Variants in SLMAP observed in about 807,000 individuals in gnomAD.
SLMAP encodes the protein sarcolemma associated protein.
In SLMAP, 44 loss-of-function variants were observed where a neutral mutation model predicts 128.8. That is an observed-to-expected ratio of 0.34 (90% CI 0.27 to 0.44). The LOEUF (loss-of-function observed/expected upper bound fraction) is 0.44. Ranked by LOEUF, SLMAP falls within the 20% of genes least tolerant of loss-of-function variation. The pLI is 1.00. For synonymous variants in SLMAP, 327 were observed against 348.8 expected, an observed-to-expected ratio of 0.94 and a Z score of 0.70; for missense variants, 787 against 985.3, an observed-to-expected ratio of 0.80 and a Z score of 2.69.
intron 6 of SLMAP, 82 bp from the exon 7 acceptor site, chr3:57,857,646 ATATTT>A: frequency 2.3e-6 from 2 of 888,732 alleles, no homozygotes; most frequent in Non-Finnish European, 3.7e-6. Flanking sequence ...TAATATGAAA[ATATTT>A]TAGAATATGC....
chr3:57,783,287 G>A (rs1235670496), intron 2 of SLMAP, among the ~76,000 whole-genome samples: 1 of 152,174 alleles, frequency 6.6e-6, no homozygotes, highest in Non-Finnish European at 1.5e-5. Flanking sequence ...CAAAATATTG[G>A]TAGAAATAGG....
At chr3:57,777,966 G>A (rs2082257835) in intron 2 of SLMAP, among the ~76,000 whole-genome samples, 1 of 152,192 alleles carries the variant, frequency 6.6e-6, no homozygotes, top group Non-Finnish European at 1.5e-5. Flanking sequence ...GCATTCCTGA[G>A]ATAAACTACA....
At chr3:57,797,041 G>A (rs1238057304) in intron 2 of SLMAP, among the ~76,000 whole-genome samples, 1 of 151,756 alleles carries the variant, frequency 6.6e-6, no homozygotes, top group Non-Finnish European at 1.5e-5. Flanking sequence ...AATTAGTCGA[G>A]CATGGTGGCA....
chr3:57,770,318 A>G (rs145309056), intron 2 of SLMAP, among the ~76,000 whole-genome samples: 26 of 152,320 alleles, frequency 1.7e-4, no homozygotes, highest in African/African-American at 5.3e-4. Context: ...TGTGGGAGCA[A>G]AGAAGAGAGC....
chr3:57,896,348 A>C, intron 15 of SLMAP, 163 bp from the exon 16 acceptor site: 2 of 1,369,322 alleles, frequency 1.5e-6, no homozygotes, highest in Non-Finnish European at 1.9e-6. Context: ...CCAGCATTCC[A>C]TTTTGGACAA....
At position 57,815,382 on chromosome 3, in the gene SLMAP, T is replaced by A. The variant is rs953101688; in HGVS notation, c.199-16001T>A. On this transcript the variant is annotated intron_variant, in intron 2 of 24. Transcript: ENST00000671191. ...TCACAGTGTTTTGTATTTGTTATAA[T>A]TGGTTTTCTGTCCATGCTGTGAGAC... Among the ~76,000 whole-genome samples, 95 of 152,144 alleles carry A rather than the reference T, an allele frequency of 6.2e-4. 3 individuals are homozygous for A. The highest frequency in any genetic ancestry group is 2.9e-5 in the Non-Finnish European group (2 of 68,024).
chr3:57,828,071 C>T (rs965993269), intron 2 of SLMAP, among the ~76,000 whole-genome samples: 9 of 152,230 alleles, frequency 5.9e-5, no homozygotes, highest in South Asian at 2.1e-4. Context: ...GTCTCAGCCC[C>T]TCACTGCCGC....
chr3:57,797,829 A>T (rs1304496339), intron 2 of SLMAP, among the ~76,000 whole-genome samples: 1 of 152,202 alleles, frequency 6.6e-6, no homozygotes. Context: ...AGTTGGGCTA[A>T]AATAGACAGT....
At chr3:57,812,181 C>G (rs1403375300) in intron 2 of SLMAP, among the ~76,000 whole-genome samples, 2 of 152,102 alleles carry the variant, frequency 1.3e-5, no homozygotes, top group Non-Finnish European at 2.9e-5. Context: ...GCTATGTTTT[C>G]TTTTAAGAAT....
rs930520101 is a variant in SLMAP at position 57,771,378 on chromosome 3, A to T, written c.198+13529A>T. Among the ~76,000 whole-genome samples the T allele has an allele frequency of 2.6e-5, 4 of 152,108 alleles. No homozygotes were observed. In the South Asian group the frequency reaches 8.3e-4, roughly 32 times the overall value. On this transcript the variant is annotated intron_variant, in intron 2 of 24. Transcript: ENST00000671191. Reference sequence around the variant, plus strand: ...CCCGAGTATATGGGACCACAGGTGTATGCCACCATGCCTAGCTAACTTTAA... The same window carrying T: ...CCCGAGTATATGGGACCACAGGTGTTTGCCACCATGCCTAGCTAACTTTAA...
chr3:57,817,775 A>G (rs908381386), intron 2 of SLMAP, among the ~76,000 whole-genome samples: 33 of 152,236 alleles, frequency 2.2e-4, no homozygotes, highest in African/African-American at 7.7e-4. Context: ...TGGACACAGA[A>G]ACTGGAAAAC....
chr3:57,814,267 G>A (rs1030332620), intron 2 of SLMAP, among the ~76,000 whole-genome samples: 1 of 151,886 alleles, frequency 6.6e-6, no homozygotes, highest in African/African-American at 2.4e-5. Context: ...ATGGGTCATC[G>A]CAGCTTCAAT....
chr3:57,767,537 A>G (rs1223515897), intron 2 of SLMAP, among the ~76,000 whole-genome samples: 1 of 152,236 alleles, frequency 6.6e-6, no homozygotes, highest in Admixed American at 6.5e-5. Flanking sequence ...GTAGATCCAA[A>G]TCTTGTGATT....
intron 14 of SLMAP, among the ~76,000 whole-genome samples, chr3:57,886,319 G>A (rs1380263184): frequency 5.9e-5 from 9 of 151,328 alleles, no homozygotes; most frequent in Non-Finnish European, 1.0e-4. Flanking sequence ...GGCTGGTCTC[G>A]AACTCCTGAC....
chr3:57,895,986 G>A (rs1442997421), intron 15 of SLMAP, among the ~76,000 whole-genome samples: 1 of 151,082 alleles, frequency 6.6e-6, no homozygotes, highest in Non-Finnish European at 1.5e-5. Context: ...TTCAGGGACA[G>A]TTATCTTTAG....
chr3:57,890,063 T>C lies in SLMAP; in HGVS notation c.1323T>C (p.His441=). 6.2e-7 allele frequency: 1 copy of C among 1,613,968 alleles called. No homozygotes were observed. Residue 441 remains histidine, a synonymous_variant, in exon 15 of 25, where the codon CAT becomes CAC. Coordinates refer to ENST00000671191, the MANE Select transcript of SLMAP (RefSeq NM_001377540.1). ...ECQKKLIVEG[H]LTKAVEETKL... The stretch of plus-strand genomic sequence containing the variant: ...CAGAGAAGCTGATCGTCGAAGGGCA[T>C]CTAACCAAAGCGGTAGAAGAAACAA...
At position 57,813,701 on chromosome 3, in the gene SLMAP, G is replaced by A. The variant is rs145194352; in HGVS notation, c.199-17682G>A. On this transcript the variant is annotated intron_variant, in intron 2 of 24. Coordinates refer to ENST00000671191, the MANE Select transcript of SLMAP (RefSeq NM_001377540.1). ...TAAAGTATATAGAAGGATGTGTATA[G>A]GTGTTAATGCAACTACTACATCATT... 1.4e-3 allele frequency among the ~76,000 whole-genome samples: 218 copies of A among 152,280 alleles called. 1 individual carries two copies. Among genetic ancestry groups the A allele is most frequent in the African/African-American group, 5.0e-3 (207 of 41,554 alleles).
intron 2 of SLMAP, among the ~76,000 whole-genome samples, chr3:57,791,973 T>A (rs941667909): frequency 6.6e-6 from 1 of 152,174 alleles, no homozygotes; most frequent in African/African-American, 2.4e-5. Flanking sequence ...TTTTATTGTG[T>A]TCAAAGGGAA....
chr3:57,889,518 T>A (rs1389260185), intron 14 of SLMAP, among the ~76,000 whole-genome samples: 1 of 152,186 alleles, frequency 6.6e-6, no homozygotes, highest in Non-Finnish European at 1.5e-5. Context: ...AAAAGTAGCA[T>A]TATACATTTA....
Sources: allele counts gnomAD v4.1 joint callset (sites outside exome capture counted in the v4.1 genomes callset), GRCh38; gene constraint gnomAD v4.1.1; transcripts MANE v1.5; gene names NCBI Gene and HGNC (gene_info 2026-07-23, HGNC 2026-07-21).